The following KCNMB4 variants were observed in gnomAD, a reference collection of about 807,000 sequenced individuals.
KCNMB4 encodes the protein potassium calcium-activated channel subfamily M regulatory beta subunit 4, also known as calcium-activated potassium channel subunit beta-4.
Under a neutral mutation model 20.7 loss-of-function variants are expected in KCNMB4, and 3 were observed. The observed-to-expected ratio is 0.14, with a 90% CI of 0.07 to 0.37. KCNMB4 has a LOEUF of 0.37. Among genes scored for constraint, KCNMB4 ranks in the 10% least tolerant of loss-of-function variants. The pLI, the probability that KCNMB4 is intolerant of heterozygous loss-of-function variation, is 1.00. For missense variants in KCNMB4, 168 were observed against 265.9 expected (o/e 0.63, Z 2.56); for synonymous variants, 110 against 113.4 (o/e 0.97, Z 0.19).
Position 70,378,271 on chromosome 12 carries a change from T to G in KCNMB4, c.336+11201T>G, listed in dbSNP as rs114053811. Reference sequence around the variant, plus strand: ...GCGCCCGGCCTTCAAGCTCTACTTCTAATTCTAGTTCTTTCCTATTTCTAC... The same window carrying G: ...GCGCCCGGCCTTCAAGCTCTACTTCGAATTCTAGTTCTTTCCTATTTCTAC... On this transcript the variant is annotated intron_variant, in intron 1 of 2. Transcript: ENST00000258111. Among the ~76,000 whole-genome samples, 15 of 152,242 alleles carry G rather than the reference T, an allele frequency of 9.9e-5. No homozygotes were observed. The East Asian group carries it at 2.7e-3, about 27-fold the overall frequency.
chr12:70,423,716 C>T (rs1201637169), intron 2 of KCNMB4, among the ~76,000 whole-genome samples: 1 of 152,086 alleles, frequency 6.6e-6, no homozygotes, highest in Non-Finnish European at 1.5e-5. Context: ...CTCAAGCAGT[C>T]CTCCCTCCTC....
intron 2 of KCNMB4, among the ~76,000 whole-genome samples, chr12:70,412,969 A>G (rs1466963587): frequency 5.3e-5 from 8 of 152,214 alleles, no homozygotes; most frequent in Non-Finnish European, 8.8e-5. Flanking sequence ...CCTGTATCTT[A>G]AAAAACAAAA....
At chr12:70,416,557 T>G (rs1209457410) in intron 2 of KCNMB4, among the ~76,000 whole-genome samples, 2 of 152,206 alleles carry the variant, frequency 1.3e-5, no homozygotes, top group African/African-American at 4.8e-5. Context: ...GTCACCACTT[T>G]AATTGTTATG....
Position 70,427,737 on chromosome 12 carries a change from G to A in KCNMB4, c.465-2748G>A, listed in dbSNP as rs751064900. Among the ~76,000 whole-genome samples the A allele has an allele frequency of 4.5e-4, 69 of 151,842 alleles. 1 individual carries two copies. In the Middle Eastern group the frequency reaches 0.02, roughly 45 times the overall value. ...TTCTTTTTACTCACATTCTTTTTTG[G>A]TACATGTTCTTCAAACTGTGTTTCA... On this transcript the variant is annotated intron_variant, in intron 2 of 2. Transcript: ENST00000258111.
intron 2 of KCNMB4, among the ~76,000 whole-genome samples, chr12:70,401,366 C>T (rs892186580): frequency 1.2e-4 from 18 of 146,840 alleles, no homozygotes; most frequent in Non-Finnish European, 1.9e-4. Flanking sequence ...TCTTCTCTGC[C>T]TCCCCACTAT....
intron 2 of KCNMB4, among the ~76,000 whole-genome samples, chr12:70,420,155 G>A (rs1405582576): frequency 2.0e-5 from 3 of 152,166 alleles, no homozygotes; most frequent in Non-Finnish European, 4.4e-5. Flanking sequence ...ACTGGGAAAG[G>A]GGATAGAAAA....
chr12:70,375,137 T>C (rs965600247), intron 1 of KCNMB4, among the ~76,000 whole-genome samples: 3 of 152,224 alleles, frequency 2.0e-5, no homozygotes, highest in Non-Finnish European at 4.4e-5. Flanking sequence ...GAGTTTTTTG[T>C]TTCTGTTAAT....
intron 2 of KCNMB4, among the ~76,000 whole-genome samples, chr12:70,417,901 G>A (rs913724579): frequency 6.6e-6 from 1 of 152,168 alleles, no homozygotes; most frequent in African/African-American, 2.4e-5. Context: ...AACTCACTGA[G>A]ACCACCGACC....
intron 2 of KCNMB4, among the ~76,000 whole-genome samples, chr12:70,424,892 G>A (rs1869168636): frequency 6.6e-6 from 1 of 152,138 alleles, no homozygotes; most frequent in Non-Finnish European, 1.5e-5. Context: ...TGCTCTCTTG[G>A]CAAGGTCTTA....
In KCNMB4 at chr12:70,408,003, A is replaced by G. The variant is rs1054983911; in HGVS notation, c.464+7667A>G. Among the ~76,000 whole-genome samples, 8 of 152,178 alleles carry G rather than the reference A, an allele frequency of 5.3e-5. No individual in the cohort carries two copies. The East Asian group carries it at 1.5e-3, about 29-fold the overall frequency. ...ATACAAATTTCTTATTATGTCACCT[A>G]TAGCAGTTGTGTTAACTTCAGTACA... is the stretch of plus-strand genomic sequence containing the variant. On this transcript the variant is annotated intron_variant, in intron 2 of 2. Coordinates refer to ENST00000258111, the MANE Select transcript of KCNMB4 (RefSeq NM_014505.6).
chr12:70,379,572 AC>A (rs1883748084), intron 1 of KCNMB4, among the ~76,000 whole-genome samples: 1 of 152,080 alleles, frequency 6.6e-6, no homozygotes, highest in African/African-American at 2.4e-5. Flanking sequence ...GCACTCTACC[AC>A]ACCTGGCTAA....
intron 2 of KCNMB4, among the ~76,000 whole-genome samples, chr12:70,411,121 C>A (rs749145638): frequency 6.6e-6 from 1 of 152,190 alleles, no homozygotes; most frequent in Non-Finnish European, 1.5e-5. Context: ...ATGAAATGAT[C>A]TCTAAAATTC....
At position 70,430,508 on chromosome 12, in the gene KCNMB4, G is replaced by T; in HGVS notation, c.488G>T (p.Arg163Leu). ...AGACCAGATGATGTGCTTCTGCATC[G>T]CACTCATGATGAGATTGTCCTCCTG... ...HQRPDDVLLH[R>L]THDEIVLLHC... The change falls in exon 3 of 3, where the codon CGC (arginine) becomes CTC (leucine). Residue 163 changes from arginine to leucine, a missense_variant. Arg to Leu is a moderately radical substitution (Grantham distance 102). Coordinates refer to ENST00000258111, the MANE Select transcript of KCNMB4 (RefSeq NM_014505.6). 6.2e-7 allele frequency: 1 copy of T among 1,612,224 alleles called. No homozygotes were observed. The highest frequency in any genetic ancestry group is 8.5e-7 in the Non-Finnish European group (1 of 1,179,344).
At chr12:70,389,864 T>G (rs710661) in intron 1 of KCNMB4, among the ~76,000 whole-genome samples, 86,608 of 151,954 alleles carry the variant, frequency 0.57, 26,023 homozygotes, top group African/African-American at 0.77. Context: ...CTTTGTTTTG[T>G]TGGAGTACAT....
intron 2 of KCNMB4, among the ~76,000 whole-genome samples, chr12:70,417,548 C>G (rs1448710069): frequency 6.6e-6 from 1 of 152,158 alleles, no homozygotes; most frequent in Non-Finnish European, 1.5e-5. Flanking sequence ...TAAATATGAT[C>G]ATTCATTCTT....
chr12:70,425,902 G>A (rs1241252651), intron 2 of KCNMB4, among the ~76,000 whole-genome samples: 4 of 152,322 alleles, frequency 2.6e-5, no homozygotes, highest in African/African-American at 9.6e-5. Flanking sequence ...AGTTTGGGGG[G>A]CCGAGGCAGG....
intron 2 of KCNMB4, among the ~76,000 whole-genome samples, chr12:70,409,172 G>A (rs1868697904): frequency 6.6e-6 from 1 of 152,140 alleles, no homozygotes; most frequent in Admixed American, 6.6e-5. Flanking sequence ...AGGTCACAGA[G>A]TACACGGAGC....
chr12:70,368,600 T>A (rs1054191859), intron 1 of KCNMB4, among the ~76,000 whole-genome samples: 1 of 152,026 alleles, frequency 6.6e-6, no homozygotes, highest in African/African-American at 2.4e-5. Flanking sequence ...TTTTTTTTTT[T>A]AGAATTAAAT....
chr12:70,378,195 A>G (rs1883721269), intron 1 of KCNMB4, among the ~76,000 whole-genome samples: 1 of 151,894 alleles, frequency 6.6e-6, no homozygotes, highest in Admixed American at 6.6e-5. Flanking sequence ...ACCTCAAATG[A>G]TCTGCCTGCC....
Sources: gnomAD v4.1 joint callset for allele counts (sites outside exome capture counted in the v4.1 genomes callset) on GRCh38, gnomAD v4.1.1 for gene constraint, MANE v1.5 for transcripts, NCBI Gene and HGNC (gene_info 2026-07-23, HGNC 2026-07-21) for gene names.